The following LOXHD1 variants were observed in gnomAD, a reference collection of about 807,000 sequenced individuals.
LOXHD1 encodes lipoxygenase homology PLAT domains 1.
Under a neutral mutation model 248.2 loss-of-function variants are expected in LOXHD1, and 205 were observed. The observed-to-expected ratio is 0.83, with a 90% CI of 0.74 to 0.93. LOXHD1 has a LOEUF of 0.93. LOXHD1 is among the 40% of genes least tolerant of loss of function. The probability of loss-of-function intolerance (pLI) is 0.00; values close to 1 mark genes in which losing one functional copy is unlikely to be tolerated. For synonymous variants in LOXHD1, 1,113 were observed against 1,162.8 expected (o/e 0.96, Z 0.87); for missense variants, 2,930 against 2,971.6 (o/e 0.99, Z 0.33).
At chr18:46,492,294 T>A (rs1000262462) in intron 37 of LOXHD1, among the ~76,000 whole-genome samples, 32 of 152,326 alleles carry the variant, frequency 2.1e-4, no homozygotes, top group African/African-American at 7.5e-4. Context: ...CTCATGCTGC[T>A]GTGAAGAAAT....
chr18:46,559,179 CA>C (rs2037453949), intron 20 of LOXHD1: 15 of 1,436,162 alleles, frequency 1.0e-5, no homozygotes, highest in Non-Finnish European at 1.8e-6. Context: ...CCAAGTGCCT[CA>C]GCATCTGCCA....
At chr18:46,583,464 T>A (rs979039905) in intron 12 of LOXHD1, among the ~76,000 whole-genome samples, 1 of 151,930 alleles carries the variant, frequency 6.6e-6, no homozygotes. Context: ...ATAAGAAAAT[T>A]AAATGACTCA....
rs727503141 is a variant in LOXHD1 at position 46,546,938 on chromosome 18, G to A, written c.3471C>T (p.Gly1157=). ...VLPQSEEGRG[G]GDNNPLDNLA... The stretch of plus-strand genomic sequence containing the variant: ...GGTTGTCGAGGGGGTTGTTGTCACC[G>A]CCTCCCCTACCCTCCTCGCTCTGTG... The change falls in exon 22 of 41, where the codon GGC becomes GGT. Residue 1157 remains glycine (G), a synonymous_variant. Transcript: ENST00000642948. 3.0e-5 allele frequency: 46 copies of A among 1,551,298 alleles called. No homozygotes were observed. The Admixed American group carries it at 3.7e-4, about 13-fold the overall frequency.
chr18:46,529,036 G>T, intron 29 of LOXHD1, 141 bp downstream of exon 29: 1 of 1,004,772 alleles, frequency 1.0e-6, no homozygotes, highest in Non-Finnish European at 1.5e-6. Flanking sequence ...TGCAAGGGAA[G>T]GGCAAGGGCA....
Position 46,624,982 on chromosome 18 carries a change from G to A in LOXHD1, c.512-6692C>T, listed in dbSNP as rs76790330. ...ATGGGCCATTCACTTCTATCACATCGTTTAATCCTCACAATGATGGACCCT... is the reference window on the plus strand; with the variant it reads ...ATGGGCCATTCACTTCTATCACATCATTTAATCCTCACAATGATGGACCCT... On this transcript the variant is annotated intron_variant, in intron 4 of 40. Coordinates refer to ENST00000642948, the MANE Select transcript of LOXHD1 (RefSeq NM_001384474.1). Among the ~76,000 whole-genome samples, 17 of 151,930 alleles carry A rather than the reference G, an allele frequency of 1.1e-4. No individual in the cohort carries two copies. The East Asian group carries it at 2.9e-3, about 26-fold the overall frequency.
At chr18:46,650,892 C>T (rs1173039770) in intron 1 of LOXHD1, among the ~76,000 whole-genome samples, 1 of 152,098 alleles carries the variant, frequency 6.6e-6, no homozygotes, top group Non-Finnish European at 1.5e-5. Flanking sequence ...AGCAAGGTGA[C>T]CCTGGACAAG....
intron 21 of LOXHD1, among the ~76,000 whole-genome samples, chr18:46,552,227 T>C (rs991738814): frequency 3.3e-5 from 5 of 152,204 alleles, no homozygotes; most frequent in Non-Finnish European, 7.3e-5. Flanking sequence ...AATTTTTTTT[T>C]TAAATCCAAC....
chr18:46,549,287 C>G (rs1287061545), intron 21 of LOXHD1, among the ~76,000 whole-genome samples: 2 of 152,212 alleles, frequency 1.3e-5, no homozygotes, highest in Non-Finnish European at 2.9e-5. Context: ...GAGGTTGAAA[C>G]TGAGCATCGA....
chr18:46,506,089 C>G, intron 36 of LOXHD1, 66 bp from the exon 37 acceptor site: 1 of 1,520,910 alleles, frequency 6.6e-7, no homozygotes, highest in Non-Finnish European at 8.9e-7. Flanking sequence ...CTTGCTCTGG[C>G]CTTGATCCCG....
At chr18:46,586,285 T>C (rs1347871578) in intron 12 of LOXHD1, among the ~76,000 whole-genome samples, 1 of 151,966 alleles carries the variant, frequency 6.6e-6, no homozygotes. Context: ...CGGGTATGGG[T>C]TTTCTTTTTG....
intron 31 of LOXHD1, 36 bp from the exon 32 acceptor site, chr18:46,522,345 C>T: frequency 5.3e-6 from 8 of 1,519,100 alleles, no homozygotes; most frequent in Non-Finnish European, 7.2e-6. Flanking sequence ...TCATAACAGA[C>T]CAGATAGACA....
intron 19 of LOXHD1, 26 bp downstream of exon 19, chr18:46,560,057 A>G (rs760402231): frequency 2.3e-4 from 59 of 261,558 alleles, no homozygotes; most frequent in Non-Finnish European, 3.3e-4. Flanking sequence ...CTCCCTCCCC[A>G]CCCCCACCCC....
At chr18:46,577,432 A>G (rs2037878830) in intron 14 of LOXHD1, among the ~76,000 whole-genome samples, 1 of 152,232 alleles carries the variant, frequency 6.6e-6, no homozygotes, top group African/African-American at 2.4e-5. Flanking sequence ...GCCAAATTTT[A>G]TCATGAACAA....
chr18:46,478,279 G>C (rs1384020627), intron 40 of LOXHD1, among the ~76,000 whole-genome samples: 2 of 151,628 alleles, frequency 1.3e-5, no homozygotes, highest in African/African-American at 2.4e-5. Context: ...TGGAACTCCT[G>C]ACCTCATGAT....
At chr18:46,538,919 C>T (rs995429680) in intron 25 of LOXHD1, among the ~76,000 whole-genome samples, 3 of 152,208 alleles carry the variant, frequency 2.0e-5, no homozygotes, top group African/African-American at 7.2e-5. Context: ...TCACACCCAG[C>T]CCCTCATTCA....
intron 27 of LOXHD1, chr18:46,533,794 C>T (rs1318921467): frequency 1.5e-5 from 4 of 262,522 alleles, no homozygotes; most frequent in African/African-American, 4.7e-5. Context: ...GGCGTGGTGG[C>T]GTGCGCCTGT....
intron 17 of LOXHD1, among the ~76,000 whole-genome samples, chr18:46,564,120 A>G (rs1212283113): frequency 6.7e-6 from 1 of 149,760 alleles, no homozygotes; most frequent in Non-Finnish European, 1.5e-5. Context: ...GTGTGTGTGC[A>G]CGCACACACG....
intron 5 of LOXHD1, among the ~76,000 whole-genome samples, chr18:46,616,706 A>G (rs1406458508): frequency 6.6e-6 from 1 of 152,126 alleles, no homozygotes; most frequent in African/African-American, 2.4e-5. Flanking sequence ...TTTAGCCGTC[A>G]CTCTGGAATG....
At chr18:46,495,409 T>C (rs1341038555) in intron 37 of LOXHD1, among the ~76,000 whole-genome samples, 2 of 149,534 alleles carry the variant, frequency 1.3e-5, no homozygotes, top group Admixed American at 6.8e-5. Flanking sequence ...TTCTAGCTAC[T>C]AAATGAATAA....
Sources: gnomAD v4.1 joint callset for allele counts (sites outside exome capture counted in the v4.1 genomes callset) on GRCh38, gnomAD v4.1.1 for gene constraint, MANE v1.5 for transcripts, NCBI Gene and HGNC (gene_info 2026-07-23, HGNC 2026-07-21) for gene names.